NARF: variants seen among roughly 807,000 people sequenced by gnomAD.
NARF encodes nuclear prelamin A recognition factor, also known as iron-only hydrogenase-like protein 2.
Under a neutral mutation model 48.0 loss-of-function variants are expected in NARF, and 41 were observed. That is an observed-to-expected ratio of 0.85 (90% CI 0.66 to 1.11). The LOEUF is 1.11. Ranked by LOEUF, NARF falls within the 50% of genes least tolerant of loss-of-function variation. The probability of loss-of-function intolerance (pLI) is 0.00; values close to 1 mark genes in which losing one functional copy is unlikely to be tolerated. For missense variants in NARF, 613 were observed against 590.2 expected (o/e 1.04, Z -0.40); for synonymous variants, 215 against 225.5 (o/e 0.95, Z 0.42).
chr17:82,467,009 T>TC (rs1293779712), intron 3 of NARF, among the ~76,000 whole-genome samples: 112 of 148,868 alleles, frequency 7.5e-4, no homozygotes, highest in African/African-American at 2.6e-3. Flanking sequence ...TTTTTTTTTT[T>TC]CCCCATTACT....
chr17:82,462,730 A>G (rs2043468849), intron 2 of NARF: 1 of 152,712 alleles, frequency 6.5e-6, no homozygotes, highest in Non-Finnish European at 1.5e-5. Flanking sequence ...TGTGGAAGGC[A>G]GGAGGAATAA....
intron 2 of NARF, 168 bp downstream of exon 2, chr17:82,460,240 G>A (rs550073668): frequency 5.7e-6 from 3 of 526,136 alleles, no homozygotes; most frequent in East Asian, 3.4e-5. Flanking sequence ...CGAGGTGGAC[G>A]GATCACTTGA....
At position 82,489,360 on chromosome 17, in the gene NARF, A is replaced by G. The variant is rs1453833946; in HGVS notation, c.*1203A>G. ...GCCTGGCAACCCAGGCCCCAACTCA[A>G]ACTTGTACATTCAGTCTTTCAGTCG... On this transcript the variant is annotated 3_prime_UTR_variant, in exon 11 of 11. Transcript: ENST00000309794. 6.5e-6 allele frequency: 1 copy of G among 152,694 alleles called. No individual in the cohort carries two copies. Among genetic ancestry groups the G allele is most frequent in the African/African-American group, 2.4e-5 (1 of 41,420 alleles). 9.5% of individuals were successfully genotyped at this position (152,694 alleles called of 1,614,324 possible). A position where few individuals can be genotyped will look rare whatever the true frequency, so the allele number is the denominator to read the frequency against.
chr17:82,474,537 T>C (rs2043790864), intron 5 of NARF, among the ~76,000 whole-genome samples: 1 of 152,210 alleles, frequency 6.6e-6, no homozygotes, highest in Non-Finnish European at 1.5e-5. Context: ...TGTGGGAGCA[T>C]AGGAGAGCTC....
chr17:82,486,482 G>A (rs1255739762), intron 10 of NARF, among the ~76,000 whole-genome samples: 1 of 152,204 alleles, frequency 6.6e-6, no homozygotes, highest in Non-Finnish European at 1.5e-5. Context: ...AGACAAGGGT[G>A]TGTCCTTCAA....
At chr17:82,487,263 T>C (rs984686222) in intron 10 of NARF, among the ~76,000 whole-genome samples, 3 of 150,972 alleles carry the variant, frequency 2.0e-5, no homozygotes, top group African/African-American at 7.3e-5. Flanking sequence ...GTGGTCGGAT[T>C]ACCTGAGGTC....
At position 82,485,518 on chromosome 17, in the gene NARF, C is replaced by T; in HGVS notation, c.993C>T (p.Val331=). 1 of 1,614,182 alleles carries T rather than the reference C, an allele frequency of 6.2e-7. No individual in the cohort carries two copies. The highest frequency in any genetic ancestry group is 8.5e-7 in the Non-Finnish European group (1 of 1,180,028). ...RALRNKDFQE[V]TLEKNGEVVL... ...GTAGAAACAAAGACTTCCAAGAGGT[C>T]ACCCTTGAGAAGAACGGAGAGGTGG... Residue 331 remains valine, a synonymous_variant, in exon 10 of 11, where the codon GTC becomes GTT. Transcript: ENST00000309794.
chr17:82,458,414 C>A, upstream of NARF: 1 of 197,266 alleles, frequency 5.1e-6, no homozygotes, highest in South Asian at 1.2e-4. Flanking sequence ...TCCGCGCGCT[C>A]ACCGACTCCC....
chr17:82,480,287 G>GCACACACACACA lies in NARF; in HGVS notation c.640-794_640-793insACACACACACAC, dbSNP rs5822530. 3.8e-3 allele frequency: 1,420 copies of GCACACACACACA among 376,100 alleles called. 16 individuals are homozygous for GCACACACACACA. The highest frequency in any genetic ancestry group is 0.028 in the African/African-American group (1,303 of 47,096). The allele number at this position is 376,100 out of a possible 1,614,324, so 23.3% of individuals were successfully genotyped here. On this transcript the variant is annotated intron_variant, in intron 6 of 10. Coordinates refer to ENST00000309794, the MANE Select transcript of NARF (RefSeq NM_012336.4). ...AGTCTGTGGGTGAAGTAGCCAGCGC[G>GCACACACACACA]CGCACACACACACACACACACACAC...
At chr17:82,469,197 C>G (rs1442624967) in intron 4 of NARF, among the ~76,000 whole-genome samples, 1 of 152,228 alleles carries the variant, frequency 6.6e-6, no homozygotes, top group African/African-American at 2.4e-5. Context: ...CTGGGAGATT[C>G]CCACACTGGC....
intron 10 of NARF, 147 bp downstream of exon 10, chr17:82,485,801 G>C: frequency 1.2e-6 from 1 of 868,576 alleles, no homozygotes; most frequent in East Asian, 2.7e-5. Flanking sequence ...GCTCCCGTGG[G>C]GCTTGTGCTG....
intron 2 of NARF, 119 bp downstream of exon 2, chr17:82,460,191 A>G (rs112374160): frequency 1.8e-5 from 15 of 823,644 alleles, no homozygotes; most frequent in African/African-American, 1.6e-4. Context: ...GTACGCGGGC[A>G]TGGTGGCTCA....
chr17:82,481,831 G>A (rs1467290630), intron 7 of NARF: 1 of 391,850 alleles, frequency 2.6e-6, no homozygotes, highest in Non-Finnish European at 4.9e-6. Flanking sequence ...CTTATCTCTT[G>A]GTGGGAAAGT....
At chr17:82,482,570 CA>C (rs1156232234) in intron 7 of NARF, 1 of 153,260 alleles carries the variant, frequency 6.5e-6, no homozygotes, top group African/African-American at 2.4e-5. Context: ...TTTAGAGGCT[CA>C]GTTTTTCTAT....
chr17:82,481,911 T>G (rs567748160), intron 7 of NARF: 44 of 324,836 alleles, frequency 1.4e-4, no homozygotes, highest in African/African-American at 9.3e-4. Flanking sequence ...GAAGTTTTTT[T>G]CATTCAGAAT....
chr17:82,488,304 C>G lies in NARF; in HGVS notation c.*147C>G, dbSNP rs73369873. ...GGTTTCTCCGAGTTCCCTGCTACCC[C>G]GTTTATTGGAGGCCCCTCAGGCAGT... On this transcript the variant is annotated 3_prime_UTR_variant, in exon 11 of 11. Transcript: ENST00000309794. 1.1e-5 allele frequency: 14 copies of G among 1,286,996 alleles called. No individual in the cohort carries two copies. In the Admixed American group the frequency reaches 4.0e-4, roughly 37 times the overall value. 79.7% of individuals were successfully genotyped at this position (1,286,996 alleles called of 1,614,324 possible). A position where few individuals can be genotyped will look rare whatever the true frequency, so the allele number is the denominator to read the frequency against.
Position 82,483,702 on chromosome 17 carries a change from T to C in NARF, c.770-14T>C. ...ACCTGTGTCTTTTCAGTGTCTTACT[T>C]CGTTTGTCTGCAGGTGAAATTGCTC... On this transcript the variant is annotated splice_polypyrimidine_tract_variant and intron_variant, in intron 7 of 10. Coordinates refer to ENST00000309794, the MANE Select transcript of NARF (RefSeq NM_012336.4). 1 of 1,613,762 alleles carries C rather than the reference T, an allele frequency of 6.2e-7. No homozygotes were observed. Among genetic ancestry groups the C allele is most frequent in the Non-Finnish European group, 8.5e-7 (1 of 1,179,752 alleles).
At chr17:82,478,084 G>C (rs1408542447) in intron 5 of NARF, among the ~76,000 whole-genome samples, 1 of 152,158 alleles carries the variant, frequency 6.6e-6, no homozygotes, top group Non-Finnish European at 1.5e-5. Context: ...AAAATCAGTT[G>C]CCAGGTCAGC....
chr17:82,487,875 C>G (rs762536490), intron 10 of NARF, 41 bp from the exon 11 acceptor site: 10 of 1,554,352 alleles, frequency 6.4e-6, no homozygotes, highest in Non-Finnish European at 8.8e-6. Flanking sequence ...GCAGAAAGAT[C>G]GCCTGAGCCC....
Sources: gnomAD v4.1 joint callset for allele counts (sites outside exome capture counted in the v4.1 genomes callset) on GRCh38, gnomAD v4.1.1 for gene constraint, MANE v1.5 for transcripts, NCBI Gene and HGNC (gene_info 2026-07-23, HGNC 2026-07-21) for gene names.